Variants in PCDH9 observed in about 807,000 individuals in gnomAD.
PCDH9 encodes the protein protocadherin-9.
Under a neutral mutation model 70.6 loss-of-function variants are expected in PCDH9, and 24 were observed. That is an observed-to-expected ratio of 0.34 (90% CI 0.25 to 0.48). PCDH9 has a LOEUF of 0.48. Ranked by LOEUF, PCDH9 falls within the 20% of genes least tolerant of loss-of-function variation. PCDH9 has a pLI of 0.99. For synonymous variants in PCDH9, 562 were observed against 558.5 expected, an observed-to-expected ratio of 1.01 and a Z score of -0.09; for missense variants, 1,281 against 1,503.6, an observed-to-expected ratio of 0.85 and a Z score of 2.45.
intron 3 of PCDH9, among the ~76,000 whole-genome samples, chr13:66,648,302 G>C (rs1593835011): frequency 1.3e-5 from 2 of 152,322 alleles, no homozygotes; most frequent in East Asian, 1.9e-4. Context: ...CACAGTGGTT[G>C]GGTGGCCACA....
At chr13:66,330,212 A>T (rs1356493010) in intron 4 of PCDH9, among the ~76,000 whole-genome samples, 2 of 152,196 alleles carry the variant, frequency 1.3e-5, no homozygotes, top group African/African-American at 4.8e-5. Context: ...TGCTCTTTAA[A>T]ATCCTCTGGT....
intron 4 of PCDH9, among the ~76,000 whole-genome samples, chr13:66,616,484 C>CTTTTT (rs60587237): frequency 0.2 from 22,744 of 116,612 alleles, 2,586 homozygotes; most frequent in Middle Eastern, 0.3. Context: ...TTCTAAAATT[C>CTTTTT]TTTTTTTTTT....
At chr13:66,900,337 C>T (rs1034617453) in intron 3 of PCDH9, among the ~76,000 whole-genome samples, 3 of 151,752 alleles carry the variant, frequency 2.0e-5, no homozygotes, top group African/African-American at 7.3e-5. Flanking sequence ...ATTAAATAAG[C>T]TATATTCCAA....
At chr13:66,851,339 T>C (rs1483861904) in intron 3 of PCDH9, among the ~76,000 whole-genome samples, 3 of 152,150 alleles carry the variant, frequency 2.0e-5, no homozygotes, top group Admixed American at 1.3e-4. Context: ...ATAAAGGGCC[T>C]ATTCAACATG....
chr13:66,775,217 G>A (rs540956447), intron 3 of PCDH9, among the ~76,000 whole-genome samples: 1 of 152,328 alleles, frequency 6.6e-6, no homozygotes, highest in East Asian at 1.9e-4. Flanking sequence ...GTCTTAGGAA[G>A]CATGTAGTAA....
chr13:67,224,420 G>A (rs2138129241), intron 2 of PCDH9: 1 of 152,288 alleles, frequency 6.6e-6, no homozygotes, highest in East Asian at 1.9e-4. Flanking sequence ...CAAGCGACAT[G>A]ATACCCTAGT....
chr13:66,707,351 A>G (rs918537668), intron 3 of PCDH9, among the ~76,000 whole-genome samples: 7 of 152,182 alleles, frequency 4.6e-5, no homozygotes, highest in Admixed American at 2.0e-4. Context: ...AAGAGACACT[A>G]CGCACTTAGA....
At chr13:66,746,530 G>A (rs1030170036) in intron 3 of PCDH9, among the ~76,000 whole-genome samples, 3 of 152,092 alleles carry the variant, frequency 2.0e-5, no homozygotes, top group African/African-American at 7.2e-5. Context: ...AGAATCAAAA[G>A]AGAATAAGTC....
rs141533833 is a variant in PCDH9, at chr13:66,379,685, A to C, written c.3341-74657T>G. Among the ~76,000 whole-genome samples the C allele has an allele frequency of 1.1e-4, 17 of 152,328 alleles. 1 individual carries two copies. In the East Asian group the frequency reaches 3.3e-3, roughly 29 times the overall value. ...TATTACCCTGGCATTCATTTGTATTACCCTGGCAATCAAGTCAGAACTCGG... is the reference window on the plus strand; with the variant it reads ...TATTACCCTGGCATTCATTTGTATTCCCCTGGCAATCAAGTCAGAACTCGG... On this transcript the variant is annotated intron_variant, in intron 4 of 4. Coordinates refer to ENST00000377865, the MANE Select transcript of PCDH9 (RefSeq NM_203487.3).
At chr13:66,719,784 G>A (rs2078917485) in intron 3 of PCDH9, among the ~76,000 whole-genome samples, 1 of 152,102 alleles carries the variant, frequency 6.6e-6, no homozygotes, top group Admixed American at 6.5e-5. Context: ...CAGTTAAGTT[G>A]CTCACCATTA....
intron 4 of PCDH9, among the ~76,000 whole-genome samples, chr13:66,396,126 G>T (rs899843985): frequency 1.3e-5 from 2 of 152,124 alleles, no homozygotes; most frequent in African/African-American, 4.8e-5. Flanking sequence ...ATCAAGAGGA[G>T]AATTTAGGTA....
chr13:66,726,572 G>A (rs187943484), intron 3 of PCDH9, among the ~76,000 whole-genome samples: 32 of 152,206 alleles, frequency 2.1e-4, no homozygotes, highest in Admixed American at 1.8e-3. Context: ...TCTCTGTGAG[G>A]CCCAGATGTT....
intron 2 of PCDH9, among the ~76,000 whole-genome samples, chr13:67,007,651 T>A (rs959626942): frequency 6.6e-6 from 1 of 152,168 alleles, no homozygotes; most frequent in Admixed American, 6.5e-5. Flanking sequence ...GCCGTGTATA[T>A]ATTGGAATTT....
chr13:66,914,565 CAT>C (rs2082526715), intron 2 of PCDH9: 2 of 151,668 alleles, frequency 1.3e-5, no homozygotes, highest in Non-Finnish European at 3.0e-5. Flanking sequence ...AAATATGAAG[CAT>C]AACTAAGAAA....
chr13:66,782,546 CAAT>C (rs888366273), intron 3 of PCDH9, among the ~76,000 whole-genome samples: 2 of 152,178 alleles, frequency 1.3e-5, no homozygotes, highest in African/African-American at 2.4e-5. Flanking sequence ...AAAAAGCCAA[CAAT>C]GTCATTGATA....
intron 4 of PCDH9, among the ~76,000 whole-genome samples, chr13:66,364,192 GTTTAT>G (rs971215514): frequency 6.6e-6 from 1 of 151,840 alleles, no homozygotes; most frequent in African/African-American, 2.4e-5. Context: ...GAAAGAAACA[GTTTAT>G]TTTCTCATAT....
intron 4 of PCDH9, among the ~76,000 whole-genome samples, chr13:66,586,444 A>C (rs1036271695): frequency 6.6e-6 from 1 of 152,146 alleles, no homozygotes; most frequent in Non-Finnish European, 1.5e-5. Flanking sequence ...GTGTGCACCT[A>C]TTTGCCTTTG....
chr13:66,923,256 G>T (rs2082665662), intron 2 of PCDH9, among the ~76,000 whole-genome samples: 1 of 151,448 alleles, frequency 6.6e-6, no homozygotes, highest in Non-Finnish European at 1.5e-5. Context: ...TTTTATAATT[G>T]ACACACATTT....
chr13:67,190,837 G>A (rs2088891021), intron 2 of PCDH9, among the ~76,000 whole-genome samples: 1 of 152,016 alleles, frequency 6.6e-6, no homozygotes, highest in South Asian at 2.1e-4. Flanking sequence ...TGTGCTTTAA[G>A]TTCTTGATCG....
Sources: gnomAD v4.1 joint callset for allele counts (sites outside exome capture counted in the v4.1 genomes callset) on GRCh38, gnomAD v4.1.1 for gene constraint, MANE v1.5 for transcripts, NCBI Gene and HGNC (gene_info 2026-07-23, HGNC 2026-07-21) for gene names.